NXPH1: variants seen among roughly 807,000 people sequenced by gnomAD.
The protein encoded by NXPH1 is neurexophilin 1, also known as neurexophilin-1.
Under a neutral mutation model 23.7 loss-of-function variants are expected in NXPH1, and 5 were observed. That is an observed-to-expected ratio of 0.21 (90% CI 0.11 to 0.44). NXPH1 has a LOEUF of 0.44. Ranked by LOEUF, NXPH1 falls within the 20% of genes least tolerant of loss-of-function variation. The pLI is 0.99. For synonymous variants in NXPH1, 144 were observed against 122.2 expected, an observed-to-expected ratio of 1.18 and a Z score of -1.18; for missense variants, 324 against 321.6, an observed-to-expected ratio of 1.01 and a Z score of -0.06.
At chr7:8,521,896 G>C (rs1195799452) in intron 2 of NXPH1, among the ~76,000 whole-genome samples, 1 of 152,136 alleles carries the variant, frequency 6.6e-6, no homozygotes, top group African/African-American at 2.4e-5. Flanking sequence ...ATAGGAGGAG[G>C]ACAGAGGCAG....
intron 2 of NXPH1, among the ~76,000 whole-genome samples, chr7:8,585,343 C>T (rs1818958931): frequency 7.2e-6 from 1 of 139,252 alleles, no homozygotes; most frequent in African/African-American, 3.2e-5. Context: ...GTGGGGAGTT[C>T]AACTGAAGCT....
chr7:8,438,832 T>C (rs1816243719), intron 2 of NXPH1, among the ~76,000 whole-genome samples: 1 of 152,232 alleles, frequency 6.6e-6, no homozygotes, highest in Non-Finnish European at 1.5e-5. Flanking sequence ...TGAGGATTTT[T>C]GTGTTTTTTG....
At chr7:8,569,037 G>C (rs1818600612) in intron 2 of NXPH1, among the ~76,000 whole-genome samples, 1 of 151,848 alleles carries the variant, frequency 6.6e-6, no homozygotes, top group Non-Finnish European at 1.5e-5. Context: ...ATTTAAAACT[G>C]TTTTGATGAA....
chr7:8,630,768 C>A (rs561132247), intron 2 of NXPH1, among the ~76,000 whole-genome samples: 2 of 152,156 alleles, frequency 1.3e-5, no homozygotes, highest in South Asian at 4.1e-4. Context: ...TGGGTTTTTT[C>A]TCCTTTTTTA....
intron 2 of NXPH1, among the ~76,000 whole-genome samples, chr7:8,516,296 G>C (rs969659077): frequency 6.6e-6 from 1 of 151,928 alleles, no homozygotes; most frequent in Non-Finnish European, 1.5e-5. Flanking sequence ...TTGCTTATTA[G>C]TTGCTGAATA....
At chr7:8,731,122 G>A (rs1270860361) in intron 2 of NXPH1, among the ~76,000 whole-genome samples, 11 of 151,750 alleles carry the variant, frequency 7.2e-5, no homozygotes, top group Admixed American at 6.6e-4. Flanking sequence ...CTTTCTTCCA[G>A]TTGATCGCAT....
At chr7:8,712,159 A>G (rs1391640241) in intron 2 of NXPH1, among the ~76,000 whole-genome samples, 1 of 152,226 alleles carries the variant, frequency 6.6e-6, no homozygotes, top group African/African-American at 2.4e-5. Context: ...AAGCATCTTT[A>G]TGTTTAGATC....
chr7:8,680,086 C>T (rs1265202915), intron 2 of NXPH1, among the ~76,000 whole-genome samples: 2 of 152,240 alleles, frequency 1.3e-5, no homozygotes, highest in Non-Finnish European at 2.9e-5. Flanking sequence ...TTGTTCATGA[C>T]CTGATTACTC....
chr7:8,676,494 A>G (rs1046969161), intron 2 of NXPH1, among the ~76,000 whole-genome samples: 17 of 151,956 alleles, frequency 1.1e-4, no homozygotes, highest in Admixed American at 5.2e-4. Flanking sequence ...TTCTGTTTGT[A>G]TATTATTACC....
chr7:8,584,822 T>A (rs1818950271), intron 2 of NXPH1, among the ~76,000 whole-genome samples: 1 of 152,220 alleles, frequency 6.6e-6, no homozygotes, highest in Non-Finnish European at 1.5e-5. Context: ...TTATTACCTA[T>A]CTCAGTGGCC....
intron 2 of NXPH1, among the ~76,000 whole-genome samples, chr7:8,466,539 T>C (rs1174511920): frequency 6.6e-6 from 1 of 152,154 alleles, no homozygotes; most frequent in Non-Finnish European, 1.5e-5. Context: ...TCTGATCTAT[T>C]CATGTTCTTT....
chr7:8,541,134 G>T lies in NXPH1; in HGVS notation c.54+105367G>T, dbSNP rs573147044. Among the ~76,000 whole-genome samples, 32 of 151,882 alleles carry T rather than the reference G, an allele frequency of 2.1e-4. No individual in the cohort carries two copies. The South Asian group carries it at 6.6e-3, about 31-fold the overall frequency. On this transcript the variant is annotated intron_variant, in intron 2 of 2. Transcript: ENST00000405863. Reference sequence around the variant, plus strand: ...TTATCCAGAGATGACATGAATGTTAGATTGAGTAGATATGGAAGAGATGGA... The same window carrying T: ...TTATCCAGAGATGACATGAATGTTATATTGAGTAGATATGGAAGAGATGGA...
Position 8,611,512 on chromosome 7 carries a change from C to T in NXPH1, c.55-139496C>T, listed in dbSNP as rs183197761. Among the ~76,000 whole-genome samples, 342 of 152,188 alleles carry T rather than the reference C, an allele frequency of 2.2e-3. 1 individual carries two copies. Among genetic ancestry groups the T allele is most frequent in the African/African-American group, 7.8e-3 (323 of 41,530 alleles). On this transcript the variant is annotated intron_variant, in intron 2 of 2. Coordinates refer to ENST00000405863, the MANE Select transcript of NXPH1 (RefSeq NM_152745.3). The stretch of plus-strand genomic sequence containing the variant: ...TTGGATTGTTGATCACTATCAGTAG[C>T]AATAGGTGATGAAGTCAAAGTGGAG...
chr7:8,728,853 T>C (rs1453422309), intron 2 of NXPH1, among the ~76,000 whole-genome samples: 1 of 152,200 alleles, frequency 6.6e-6, no homozygotes, highest in Non-Finnish European at 1.5e-5. Context: ...GCTGGCCTCA[T>C]AAAATGAGTT....
At chr7:8,700,963 T>A (rs1198385004) in intron 2 of NXPH1, among the ~76,000 whole-genome samples, 4 of 152,158 alleles carry the variant, frequency 2.6e-5, no homozygotes, top group Admixed American at 6.6e-5. Flanking sequence ...GAAATTTAGA[T>A]GAAGTTAAAA....
chr7:8,648,374 T>C lies in NXPH1; in HGVS notation c.55-102634T>C, dbSNP rs541002542. The stretch of plus-strand genomic sequence containing the variant: ...CTCTCTACGTTCATTAGTTCAATTG[T>C]TTTGATTTTTAGATCCCACAGATAA... On this transcript the variant is annotated intron_variant, in intron 2 of 2. Coordinates refer to ENST00000405863, the MANE Select transcript of NXPH1 (RefSeq NM_152745.3). Among the ~76,000 whole-genome samples the C allele has an allele frequency of 4.6e-5, 7 of 152,300 alleles. No individual in the cohort carries two copies. The South Asian group carries it at 1.4e-3, about 32-fold the overall frequency.
intron 2 of NXPH1, among the ~76,000 whole-genome samples, chr7:8,564,314 A>G (rs905299952): frequency 6.6e-6 from 1 of 151,842 alleles, no homozygotes; most frequent in African/African-American, 2.4e-5. Flanking sequence ...AATTAATTTC[A>G]TGCCTAATCT....
chr7:8,450,236 A>G (rs1371588057), intron 2 of NXPH1, among the ~76,000 whole-genome samples: 1 of 152,240 alleles, frequency 6.6e-6, no homozygotes, highest in Non-Finnish European at 1.5e-5. Flanking sequence ...TATACAAAGC[A>G]TAAACTCTAA....
intron 2 of NXPH1, among the ~76,000 whole-genome samples, chr7:8,478,147 T>C (rs1817008934): frequency 6.6e-6 from 1 of 152,048 alleles, no homozygotes; most frequent in African/African-American, 2.4e-5. Context: ...GCATGAGAAC[T>C]TGCAAAAATG....
Sources: allele counts gnomAD v4.1 joint callset (sites outside exome capture counted in the v4.1 genomes callset), GRCh38; gene constraint gnomAD v4.1.1; transcripts MANE v1.5; gene names NCBI Gene and HGNC (gene_info 2026-07-23, HGNC 2026-07-21).